The following ARHGAP42 variants were observed in gnomAD, a reference collection of about 807,000 sequenced individuals.
The protein encoded by ARHGAP42 is Rho GTPase activating protein 42.
ARHGAP42 carries 63 observed loss-of-function variants against 125.0 expected under a neutral mutation model. The observed-to-expected ratio is 0.50, with a 90% CI of 0.41 to 0.62. The LOEUF (loss-of-function observed/expected upper bound fraction) is 0.62, where lower values mean the gene tolerates loss of function less well. Ranked by LOEUF, ARHGAP42 falls within the 20% of genes least tolerant of loss-of-function variation. ARHGAP42 has a pLI of 0.00. For missense variants in ARHGAP42, 766 were observed against 1,024.2 expected (o/e 0.75, Z 3.44); for synonymous variants, 339 against 351.0 (o/e 0.97, Z 0.38).
At chr11:100,909,155 G>C (rs1454201660) in intron 4 of ARHGAP42, among the ~76,000 whole-genome samples, 8 of 152,030 alleles carry the variant, frequency 5.3e-5, no homozygotes, top group Admixed American at 4.6e-4. Flanking sequence ...TGGATTGTTT[G>C]CAAATACTTT....
intron 4 of ARHGAP42, among the ~76,000 whole-genome samples, chr11:100,860,156 C>T (rs1025706610): frequency 4.6e-5 from 7 of 152,088 alleles, no homozygotes; most frequent in Non-Finnish European, 8.8e-5. Context: ...ATTTTAACCA[C>T]TTGTGCAACA....
At chr11:100,962,537 T>C (rs1857982112) in intron 16 of ARHGAP42, 70 bp downstream of exon 16, 1 of 1,320,270 alleles carries the variant, frequency 7.6e-7, no homozygotes, top group African/African-American at 1.5e-5. Flanking sequence ...AGGCATATAT[T>C]ACTAGTATCA....
rs890069113 is a variant in ARHGAP42 at position 100,992,818 on chromosome 11, A to G, written c.*4017A>G. The G allele has an allele frequency of 8.2e-7, 1 of 1,226,580 alleles. No individual in the cohort carries two copies. Among genetic ancestry groups the G allele is most frequent in the South Asian group, 1.5e-5 (1 of 64,634 alleles). The allele number at this position is 1,226,580 out of a possible 1,614,324, so 76.0% of individuals were successfully genotyped here. A position where few individuals can be genotyped will look rare whatever the true frequency, so the allele number is the denominator to read the frequency against. On this transcript the variant is annotated 3_prime_UTR_variant, in exon 24 of 24. Coordinates refer to ENST00000298815, the MANE Select transcript of ARHGAP42 (RefSeq NM_152432.4). Reference sequence around the variant, plus strand: ...ATGTTGACAACATTCACAGTAAGCCATTGGCAGAAAATTGATCTGCATGTC... The same window carrying G: ...ATGTTGACAACATTCACAGTAAGCCGTTGGCAGAAAATTGATCTGCATGTC...
At chr11:100,913,756 A>G (rs1379616155) in intron 5 of ARHGAP42, among the ~76,000 whole-genome samples, 1 of 151,844 alleles carries the variant, frequency 6.6e-6, no homozygotes, top group African/African-American at 2.4e-5. Flanking sequence ...TTCTTTCAAC[A>G]ATGAGAAAGG....
At chr11:100,772,133 C>A (rs952415624) in intron 2 of ARHGAP42, among the ~76,000 whole-genome samples, 2 of 152,096 alleles carry the variant, frequency 1.3e-5, no homozygotes, top group Non-Finnish European at 2.9e-5. Context: ...AGCTTTGACT[C>A]CCTAAGTAGC....
intron 4 of ARHGAP42, among the ~76,000 whole-genome samples, chr11:100,877,565 G>A (rs551047527): frequency 2.1e-4 from 32 of 152,320 alleles, no homozygotes; most frequent in African/African-American, 7.2e-4. Context: ...AGATTTGTCT[G>A]TATCTTGAGT....
chr11:100,987,391 A>C (rs530285423), intron 22 of ARHGAP42, 122 bp from the exon 23 acceptor site: 31 of 774,376 alleles, frequency 4.0e-5, no homozygotes, highest in Non-Finnish European at 6.7e-5. Flanking sequence ...TCATATATGC[A>C]CTTTATGTAC....
In ARHGAP42 at chr11:100,895,653, G is replaced by T. The variant is rs376605025; in HGVS notation, c.385-17799G>T. Among the ~76,000 whole-genome samples, 49 of 151,980 alleles carry T rather than the reference G, an allele frequency of 3.2e-4. No homozygotes were observed. In the East Asian group the frequency reaches 8.9e-3, roughly 28 times the overall value. The stretch of plus-strand genomic sequence containing the variant: ...AGGAGTGCCAGGTGTATTTGAGGAA[G>T]GCATCTGGGAACTTCCCCTAAATGT... On this transcript the variant is annotated intron_variant, in intron 4 of 23. Coordinates refer to ENST00000298815, the MANE Select transcript of ARHGAP42 (RefSeq NM_152432.4).
chr11:100,778,354 A>G (rs936364298), intron 2 of ARHGAP42, among the ~76,000 whole-genome samples: 2 of 152,138 alleles, frequency 1.3e-5, no homozygotes, highest in African/African-American at 4.8e-5. Flanking sequence ...CATTTGCTGA[A>G]TCAAAAAAAA....
chr11:100,705,353 A>G (rs1861467168), intron 1 of ARHGAP42, among the ~76,000 whole-genome samples: 1 of 152,144 alleles, frequency 6.6e-6, no homozygotes. Flanking sequence ...AATAGTAGAA[A>G]GAGAGTGAGC....
intron 1 of ARHGAP42, among the ~76,000 whole-genome samples, chr11:100,761,876 G>A (rs61890760): frequency 0.26 from 39,242 of 152,142 alleles, 5,309 homozygotes; most frequent in Non-Finnish European, 0.29. Context: ...CCAGTTTTAT[G>A]TAATATTCAT....
rs536676046 is a variant in ARHGAP42 at position 100,941,779 on chromosome 11, A to C, written c.833-5A>C. The C allele has an allele frequency of 6.7e-7, 1 of 1,501,618 alleles. No individual in the cohort carries two copies. The highest frequency in any genetic ancestry group is 2.6e-5 in the Admixed American group (1 of 37,894). 93.0% of individuals were successfully genotyped at this position (1,501,618 alleles called of 1,614,324 possible). ...ATCTGAAATTTTTTTGTTTCCTTACATTAGGACCGCTTGGTTTTACATGGA... is the reference window on the plus strand; with the variant it reads ...ATCTGAAATTTTTTTGTTTCCTTACCTTAGGACCGCTTGGTTTTACATGGA... On this transcript the variant is annotated splice_region_variant and splice_polypyrimidine_tract_variant and intron_variant, in intron 8 of 23. Coordinates refer to ENST00000298815, the MANE Select transcript of ARHGAP42 (RefSeq NM_152432.4).
chr11:100,824,366 T>C (rs1177510180), intron 3 of ARHGAP42, among the ~76,000 whole-genome samples: 2 of 152,172 alleles, frequency 1.3e-5, no homozygotes, highest in Non-Finnish European at 2.9e-5. Context: ...CATAGACTAC[T>C]AATGACTGAA....
chr11:100,849,914 T>A (rs1414313570), intron 3 of ARHGAP42, among the ~76,000 whole-genome samples: 1 of 152,200 alleles, frequency 6.6e-6, no homozygotes, highest in Non-Finnish European at 1.5e-5. Flanking sequence ...ATTATGATGC[T>A]TACGTTTCTG....
At chr11:100,802,203 G>C (rs1863870771) in intron 3 of ARHGAP42, among the ~76,000 whole-genome samples, 1 of 152,038 alleles carries the variant, frequency 6.6e-6, no homozygotes, top group Non-Finnish European at 1.5e-5. Context: ...TTTCGTCTTA[G>C]GCTGTTCAAA....
intron 3 of ARHGAP42, among the ~76,000 whole-genome samples, chr11:100,817,977 C>T (rs1021720376): frequency 6.6e-6 from 1 of 152,156 alleles, no homozygotes; most frequent in African/African-American, 2.4e-5. Context: ...ACTTTTATTT[C>T]CACTGATTGC....
At chr11:100,800,708 C>T (rs988101156) in intron 3 of ARHGAP42, among the ~76,000 whole-genome samples, 6 of 152,120 alleles carry the variant, frequency 3.9e-5, no homozygotes, top group Admixed American at 1.3e-4. Context: ...TTCGTGAAAT[C>T]ATACTGTGGG....
At chr11:100,848,733 T>C (rs974742243) in intron 3 of ARHGAP42, among the ~76,000 whole-genome samples, 11 of 152,134 alleles carry the variant, frequency 7.2e-5, no homozygotes, top group Admixed American at 2.0e-4. Flanking sequence ...CTTGAACTCC[T>C]GGCCTCAAGT....
At chr11:100,773,889 T>A (rs1169429557) in intron 2 of ARHGAP42, among the ~76,000 whole-genome samples, 7 of 152,198 alleles carry the variant, frequency 4.6e-5, no homozygotes, top group African/African-American at 1.2e-4. Context: ...ATGAAGAATC[T>A]ACACAAGCAG....
Sources: allele counts gnomAD v4.1 joint callset (sites outside exome capture counted in the v4.1 genomes callset), GRCh38; gene constraint gnomAD v4.1.1; transcripts MANE v1.5; gene names NCBI Gene and HGNC (gene_info 2026-07-23, HGNC 2026-07-21).